EBF1: variants seen among roughly 807,000 people sequenced by gnomAD.
The protein encoded by EBF1 is transcription factor COE1.
In EBF1, 10 loss-of-function variants were observed where a neutral mutation model predicts 68.4. The observed-to-expected ratio is 0.15, with a 90% CI of 0.09 to 0.25. The LOEUF is 0.25. EBF1 is among the 10% of genes least tolerant of loss of function. The pLI is 1.00. For missense variants in EBF1, 509 were observed against 794.4 expected (o/e 0.64, Z 4.32); for synonymous variants, 298 against 299.8 (o/e 0.99, Z 0.06).
At chr5:158,864,829 G>C (rs1795591911) in intron 6 of EBF1, among the ~76,000 whole-genome samples, 1 of 152,150 alleles carries the variant, frequency 6.6e-6, no homozygotes, top group South Asian at 2.1e-4. Context: ...TGTGGCTGCA[G>C]CACAGTGAGC....
At chr5:159,040,030 T>A (rs1770857381) in intron 6 of EBF1, among the ~76,000 whole-genome samples, 1 of 152,208 alleles carries the variant, frequency 6.6e-6, no homozygotes, top group Non-Finnish European at 1.5e-5. Flanking sequence ...TGAATTTCTT[T>A]AAAATGCCAC....
At chr5:158,812,752 G>A (rs979818167) in intron 8 of EBF1, among the ~76,000 whole-genome samples, 3 of 152,188 alleles carry the variant, frequency 2.0e-5, no homozygotes, top group Non-Finnish European at 2.9e-5. Context: ...AGCTGGTTCC[G>A]TATGTATTAT....
intron 14 of EBF1, among the ~76,000 whole-genome samples, chr5:158,709,236 A>G (rs1365015987): frequency 6.6e-6 from 1 of 152,262 alleles, no homozygotes; most frequent in Non-Finnish European, 1.5e-5. Flanking sequence ...TTAATAAAAC[A>G]TCAGATATTG....
chr5:158,724,654 T>A (rs1242396677), intron 11 of EBF1, among the ~76,000 whole-genome samples: 2 of 152,208 alleles, frequency 1.3e-5, no homozygotes, highest in Non-Finnish European at 2.9e-5. Context: ...ATTTTAGGTC[T>A]CGTCTCTCCA....
At chr5:159,072,676 A>G (rs563441899) in intron 6 of EBF1, among the ~76,000 whole-genome samples, 13 of 152,348 alleles carry the variant, frequency 8.5e-5, no homozygotes, top group Non-Finnish European at 1.6e-4. Context: ...AATGAATTTC[A>G]ATAATTAAAA....
At chr5:158,750,623 T>C (rs1302134111) in intron 10 of EBF1, among the ~76,000 whole-genome samples, 1 of 152,134 alleles carries the variant, frequency 6.6e-6, no homozygotes, top group Non-Finnish European at 1.5e-5. Flanking sequence ...TATAATTTCC[T>C]AGACTAATTG....
intron 6 of EBF1, among the ~76,000 whole-genome samples, chr5:158,958,682 C>T (rs1019427904): frequency 1.3e-5 from 2 of 152,004 alleles, no homozygotes; most frequent in African/African-American, 2.4e-5. Context: ...TATTGCTTTG[C>T]GAAGTCACCC....
At position 158,820,900 on chromosome 5, in the gene EBF1, G is replaced by C. The variant is rs549903194; in HGVS notation, c.778+2276C>G. On this transcript the variant is annotated intron_variant, in intron 8 of 15. Coordinates refer to ENST00000313708, the MANE Select transcript of EBF1 (RefSeq NM_024007.5). ...GGTCTCAAACTGTTGACCTGTGGCT[G>C]CATTCTTCCTAAGTGGCTTTTTTCC... 3.7e-4 allele frequency among the ~76,000 whole-genome samples: 57 copies of C among 152,310 alleles called. No individual in the cohort carries two copies. In the South Asian group the frequency reaches 0.011, roughly 30 times the overall value.
intron 6 of EBF1, among the ~76,000 whole-genome samples, chr5:158,893,335 A>C (rs1376520719): frequency 6.6e-6 from 1 of 152,214 alleles, no homozygotes; most frequent in Non-Finnish European, 1.5e-5. Context: ...CTTATAAATC[A>C]GTGTAATCTT....
At chr5:158,753,614 T>C (rs1031962815) in intron 10 of EBF1, among the ~76,000 whole-genome samples, 1 of 152,126 alleles carries the variant, frequency 6.6e-6, no homozygotes, top group Non-Finnish European at 1.5e-5. Flanking sequence ...TTTTCTCCTT[T>C]CTGCCAAAAA....
At chr5:158,745,607 A>T (rs78337063) in intron 10 of EBF1, among the ~76,000 whole-genome samples, 2,578 of 152,316 alleles carry the variant, frequency 0.017, 24 homozygotes, top group East Asian at 0.049. Flanking sequence ...TTGCTACATT[A>T]CTGACCCAAA....
At chr5:158,957,533 A>G (rs1817382234) in intron 6 of EBF1, among the ~76,000 whole-genome samples, 1 of 152,254 alleles carries the variant, frequency 6.6e-6, no homozygotes, top group East Asian at 1.9e-4. Flanking sequence ...TGAACATTTT[A>G]TCTCCAGAGC....
chr5:159,097,341 G>A (rs934244040), intron 1 of EBF1: 12 of 579,826 alleles, frequency 2.1e-5, no homozygotes, highest in Non-Finnish European at 3.3e-5. Flanking sequence ...CGCCAAGGAC[G>A]GGTGCGTCCT....
At chr5:159,018,168 A>G (rs1396770668) in intron 6 of EBF1, among the ~76,000 whole-genome samples, 6 of 152,182 alleles carry the variant, frequency 3.9e-5, no homozygotes, top group Non-Finnish European at 7.3e-5. Context: ...AAATCATCCA[A>G]GGACATCTAG....
intron 8 of EBF1, among the ~76,000 whole-genome samples, chr5:158,820,358 C>A (rs570967332): frequency 5.9e-5 from 9 of 152,208 alleles, no homozygotes; most frequent in African/African-American, 1.9e-4. Context: ...TTTTCAACAG[C>A]AAAATAAAGT....
intron 9 of EBF1, among the ~76,000 whole-genome samples, chr5:158,785,068 C>T (rs1200256752): frequency 6.6e-6 from 1 of 152,182 alleles, no homozygotes; most frequent in Admixed American, 6.5e-5. Context: ...ATTCTCCCTT[C>T]TCCTCAGTTA....
chr5:158,810,946 G>T (rs1782531257), intron 8 of EBF1, among the ~76,000 whole-genome samples: 1 of 152,170 alleles, frequency 6.6e-6, no homozygotes. Flanking sequence ...GCCCACGGCA[G>T]GCCGGCAGAA....
At chr5:158,998,857 C>T (rs1761966978) in intron 6 of EBF1, among the ~76,000 whole-genome samples, 1 of 152,110 alleles carries the variant, frequency 6.6e-6, no homozygotes, top group Non-Finnish European at 1.5e-5. Context: ...TTGACTTGAT[C>T]AAACAGATCT....
At chr5:158,890,870 C>A (rs1458666640) in intron 6 of EBF1, among the ~76,000 whole-genome samples, 1 of 152,172 alleles carries the variant, frequency 6.6e-6, no homozygotes, top group Non-Finnish European at 1.5e-5. Context: ...TTAGCCAAGT[C>A]CTCAGGAAAT....
Sources: allele counts gnomAD v4.1 joint callset (sites outside exome capture counted in the v4.1 genomes callset), GRCh38; gene constraint gnomAD v4.1.1; transcripts MANE v1.5; gene names NCBI Gene and HGNC (gene_info 2026-07-23, HGNC 2026-07-21).